The following SPATA13 variants were observed in gnomAD, a reference collection of about 807,000 sequenced individuals.
SPATA13 encodes the protein spermatogenesis associated 13.
SPATA13 carries 50 observed loss-of-function variants against 104.0 expected under a neutral mutation model. That is an observed-to-expected ratio of 0.48 (90% CI 0.38 to 0.61). The LOEUF is 0.61. SPATA13 is among the 20% of genes least tolerant of loss of function. SPATA13 has a pLI of 0.00. For synonymous variants in SPATA13, 606 were observed against 667.5 expected (o/e 0.91, Z 1.42); for missense variants, 1,524 against 1,690.6 (o/e 0.90, Z 1.73).
Position 24,286,103 on chromosome 13 carries a change from T to A in SPATA13, c.2302-111T>A. On this transcript the variant is annotated intron_variant, in intron 5 of 12. Coordinates refer to ENST00000382108, the MANE Select transcript of SPATA13 (RefSeq NM_001166271.3). The surrounding 1 kb of genome is among the most constrained non-coding windows in gnomAD (Gnocchi z 4.9). ...CAGTGTGGACCAAATGCCACCAGCA[T>A]ATCCAAGTGAGAGGATACCAGTGTC... The A allele has an allele frequency of 9.8e-7, 1 of 1,019,334 alleles. No homozygotes were observed. 63.1% of individuals were successfully genotyped at this position (1,019,334 alleles called of 1,614,324 possible).
intron 3 of SPATA13, among the ~76,000 whole-genome samples, chr13:24,096,718 G>A (rs183982357): frequency 2.0e-5 from 3 of 152,262 alleles, no homozygotes; most frequent in South Asian, 4.1e-4. Context: ...AAGAACAGAG[G>A]GGGGACTGGA....
chr13:24,032,112 A>G (rs1448584892), intron 3 of SPATA13, among the ~76,000 whole-genome samples: 1 of 152,116 alleles, frequency 6.6e-6, no homozygotes, highest in Non-Finnish European at 1.5e-5. Flanking sequence ...ATCCTCCACC[A>G]TCCCCCAGGT....
chr13:24,249,622 G>A lies in SPATA13; in HGVS notation c.1799G>A (p.Ser600Asn), dbSNP rs770431922. Residue 600 changes from serine (S) to asparagine (N), a missense_variant, in exon 3 of 13, where the codon AGT (serine) becomes AAT (asparagine). Around this residue, in one of 2 missense-constraint regions of SPATA13, gnomAD observed 1,089 missense variants for 1,135.9 expected, o/e 0.96. Transcript: ENST00000382108. Reference sequence around the variant, plus strand: ...GACTACGGCCAGCTGGCCAGCCGCAGTTTGTCTATTCCTGAAGACTCGGTT... The same window carrying A: ...GACTACGGCCAGCTGGCCAGCCGCAATTTGTCTATTCCTGAAGACTCGGTT... Reference protein sequence around the residue: ...FSDYGQLASRSLSIPEDSVAA... With the variant: ...FSDYGQLASRNLSIPEDSVAA... 8.1e-6 allele frequency: 13 copies of A among 1,613,630 alleles called. No homozygotes were observed. The highest frequency in any genetic ancestry group is 8.5e-6 in the Non-Finnish European group (10 of 1,179,824).
chr13:24,291,747 T>TTA (rs376632397), intron 9 of SPATA13, among the ~76,000 whole-genome samples: 1 of 34,656 alleles, frequency 2.9e-5, no homozygotes, highest in Non-Finnish European at 6.0e-5. Context: ...TTTATTTTTT[T>TTA]ATTTTTTTAT....
rs774609819 is a variant in SPATA13 at position 24,290,704 on chromosome 13, G to A, written c.2900G>A (p.Cys967Tyr). The change falls in exon 9 of 13, where the codon TGC becomes TAC. Residue 967 changes from cysteine (C) to tyrosine (Y), a missense_variant. Physicochemically the swap from Cys to Tyr is radical, Grantham distance 194 (BLOSUM62 -2). This residue lies in a region of SPATA13 where 435 missense variants were observed against 554.8 expected (regional missense o/e 0.78). Coordinates refer to ENST00000382108, the MANE Select transcript of SPATA13 (RefSeq NM_001166271.3). ...TACTGCAACAACCACCCGGGCGCCTGCCTGGAGCTCGCCAACCTCATGAAG... is the reference window on the plus strand; with the variant it reads ...TACTGCAACAACCACCCGGGCGCCTACCTGGAGCTCGCCAACCTCATGAAG... Reference protein sequence around the residue: ...SEYCNNHPGACLELANLMKQG... With the variant: ...SEYCNNHPGAYLELANLMKQG... The A allele has an allele frequency of 1.9e-6, 3 of 1,614,204 alleles. No individual in the cohort carries two copies. In the Admixed American group the frequency reaches 5.0e-5, roughly 27 times the overall value.
rs2138734539 is a variant in SPATA13, at chr13:24,286,085, G to A, written c.2302-129G>A. 5 of 870,040 alleles carry A rather than the reference G, an allele frequency of 5.7e-6. No homozygotes were observed. The Middle Eastern group carries it at 1.5e-3, about 258-fold the overall frequency. 53.9% of individuals were successfully genotyped at this position (870,040 alleles called of 1,614,324 possible). On this transcript the variant is annotated intron_variant, in intron 5 of 12. Transcript: ENST00000382108. The surrounding 1 kb of genome is among the most constrained non-coding windows in gnomAD (Gnocchi z 4.9). The stretch of plus-strand genomic sequence containing the variant: ...TGTAACCAGTCACATAGTCAGTGTG[G>A]ACCAAATGCCACCAGCATATCCAAG...
chr13:24,257,493 T>C (rs998359058), intron 4 of SPATA13, among the ~76,000 whole-genome samples: 2 of 152,202 alleles, frequency 1.3e-5, no homozygotes, highest in African/African-American at 4.8e-5. Flanking sequence ...AATAGCTAGA[T>C]ATAAAAACTA....
chr13:24,222,834 G>A lies in SPATA13; in HGVS notation c.-96G>A, dbSNP rs760985800. ...TTCACTGCAGCCCGTGGCCACCCAG[G>A]AGCCCGATGTGCAAGGCAGGTGTGA... On this transcript the variant is annotated 5_prime_UTR_variant, in exon 2 of 13. Coordinates refer to ENST00000382108, the MANE Select transcript of SPATA13 (RefSeq NM_001166271.3). 4 of 1,521,768 alleles carry A rather than the reference G, an allele frequency of 2.6e-6. No homozygotes were observed. In the African/African-American group the frequency reaches 5.5e-5, roughly 21 times the overall value. 94.3% of individuals were successfully genotyped at this position (1,521,768 alleles called of 1,614,324 possible).
chr13:24,292,466 C>G (rs1566198560), intron 9 of SPATA13, among the ~76,000 whole-genome samples: 1 of 152,216 alleles, frequency 6.6e-6, no homozygotes, highest in African/African-American at 2.4e-5. Flanking sequence ...AGAATCGAAA[C>G]AGGGTCCATG....
chr13:24,229,264 A>G (rs770824813), intron 2 of SPATA13, among the ~76,000 whole-genome samples: 1 of 152,194 alleles, frequency 6.6e-6, no homozygotes. Flanking sequence ...TGCCATGGAA[A>G]AAACTCTTAA....
intron 3 of SPATA13, among the ~76,000 whole-genome samples, chr13:24,119,309 A>C (rs1180954427): frequency 2.0e-5 from 3 of 152,142 alleles, no homozygotes; most frequent in Non-Finnish European, 2.9e-5. Context: ...GGGCCCAGGA[A>C]AAAAAAGGGT....
chr13:24,172,232 A>G lies in SPATA13; in HGVS notation c.-112+11300A>G, dbSNP rs1272726275. ...GGAATGTTTGGGATTGGCTTTTTTC[A>G]CTCAGTGTTATTCTCCGATGATACT... On this transcript the variant is annotated intron_variant, in intron 1 of 12. Coordinates refer to ENST00000382108, the MANE Select transcript of SPATA13 (RefSeq NM_001166271.3). Among the ~76,000 whole-genome samples the G allele has an allele frequency of 8.5e-5, 13 of 152,164 alleles. No individual in the cohort carries two copies. The East Asian group carries it at 2.5e-3, about 29-fold the overall frequency.
In SPATA13 at chr13:24,223,786, C is replaced by T. The variant is rs1190697629; in HGVS notation, c.857C>T (p.Pro286Leu). 1.9e-6 allele frequency: 3 copies of T among 1,551,686 alleles called. No individual in the cohort carries two copies. Among genetic ancestry groups the T allele is most frequent in the Admixed American group, 3.9e-5 (2 of 50,986 alleles). Residue 286 changes from proline to leucine, a missense_variant, in exon 2 of 13, where the codon CCA becomes CTA. Around this residue, in one of 2 missense-constraint regions of SPATA13, gnomAD observed 1,089 missense variants for 1,135.9 expected, o/e 0.96. Transcript: ENST00000382108. ...AGGACGGCCCATGACGCACGGGTAC[C>T]ACAGAGGACCCTGAGCAGTTCCTCC... ...DLRTAHDARV[P>L]QRTLSSSSTD...
At chr13:24,185,567 CTATTGATAAGTCCTTTA>C (rs887972522) in intron 1 of SPATA13, among the ~76,000 whole-genome samples, 37 of 152,212 alleles carry the variant, frequency 2.4e-4, no homozygotes, top group African/African-American at 7.9e-4. Flanking sequence ...GACATAATGA[CTATTGATAAGTCCTTTA>C]TATGGTCTCA....
intron 3 of SPATA13, among the ~76,000 whole-genome samples, chr13:24,114,169 G>A (rs2137816307): frequency 6.6e-6 from 1 of 152,372 alleles, no homozygotes; most frequent in Non-Finnish European, 1.5e-5. Context: ...AGGTGCAACA[G>A]AAGCTTTCCA....
intron 1 of SPATA13, among the ~76,000 whole-genome samples, chr13:24,186,367 G>A (rs1156801317): frequency 1.3e-5 from 2 of 152,200 alleles, no homozygotes; most frequent in Admixed American, 6.5e-5. Flanking sequence ...AAGGTCAGAG[G>A]TTTACGATAT....
chr13:24,038,653 G>C (rs1047729595), intron 3 of SPATA13, among the ~76,000 whole-genome samples: 2 of 152,122 alleles, frequency 1.3e-5, no homozygotes, highest in East Asian at 3.9e-4. Context: ...ATTGCTGCGC[G>C]AATGCAGCCA....
intron 3 of SPATA13, among the ~76,000 whole-genome samples, chr13:24,043,201 C>A: frequency 6.6e-6 from 1 of 152,224 alleles, no homozygotes; most frequent in Non-Finnish European, 1.5e-5. Context: ...TCACTCCTCT[C>A]CCTTAGCTGC....
At chr13:24,183,106 G>A (rs1230513755) in intron 1 of SPATA13, among the ~76,000 whole-genome samples, 1 of 152,192 alleles carries the variant, frequency 6.6e-6, no homozygotes, top group Non-Finnish European at 1.5e-5. Context: ...AGGTAGTAAA[G>A]CTATAACTTT....
Sources: gnomAD v4.1 joint callset for allele counts (sites outside exome capture counted in the v4.1 genomes callset) on GRCh38, gnomAD v4.1.1 for gene constraint, gnomAD v4.1.1 regional missense constraint, Gnocchi (gnomAD v3.1) non-coding constraint, MANE v1.5 for transcripts, NCBI Gene and HGNC (gene_info 2026-07-23, HGNC 2026-07-21) for gene names.